The following NTM variants were observed in gnomAD, a reference collection of about 807,000 sequenced individuals.
NTM encodes neurotrimin, also known as IgLON family member 2.
In NTM, 13 loss-of-function variants were observed where a neutral mutation model predicts 42.1. The ratio of observed to expected loss-of-function variants is 0.31; its 90% CI spans 0.20 to 0.49. NTM has a LOEUF of 0.49. Ranked by LOEUF, NTM falls within the 20% of genes least tolerant of loss-of-function variation. The pLI is 0.99. For synonymous variants in NTM, 187 were observed against 179.2 expected (o/e 1.04, Z -0.35); for missense variants, 373 against 452.8 (o/e 0.82, Z 1.60).
At chr11:131,841,257 C>T (rs565024643) in intron 1 of NTM, among the ~76,000 whole-genome samples, 2 of 152,062 alleles carry the variant, frequency 1.3e-5, no homozygotes, top group Non-Finnish European at 2.9e-5. Flanking sequence ...GGAAGTACTG[C>T]CAAGTGTTGT....
chr11:132,092,926 C>T (rs542283308), intron 2 of NTM, among the ~76,000 whole-genome samples: 1 of 152,306 alleles, frequency 6.6e-6, no homozygotes, highest in South Asian at 2.1e-4. Flanking sequence ...CCTGATCTCT[C>T]ATTGGGATTA....
At chr11:132,260,760 G>T (rs778308710) in intron 4 of NTM, among the ~76,000 whole-genome samples, 5 of 152,190 alleles carry the variant, frequency 3.3e-5, no homozygotes, top group Non-Finnish European at 7.3e-5. Flanking sequence ...CGTCTCCGGG[G>T]CATGGCCTAA....
At chr11:131,981,750 C>T (rs979086593) in intron 2 of NTM, among the ~76,000 whole-genome samples, 2 of 152,146 alleles carry the variant, frequency 1.3e-5, no homozygotes, top group African/African-American at 4.8e-5. Context: ...GTGGCTTATG[C>T]CTGTAATCCC....
At chr11:131,959,938 G>A (rs1222636772) in intron 2 of NTM, among the ~76,000 whole-genome samples, 11 of 152,186 alleles carry the variant, frequency 7.2e-5, no homozygotes, top group Non-Finnish European at 1.6e-4. Context: ...CTTGTCTGAG[G>A]CATGAATGCA....
intron 2 of NTM, among the ~76,000 whole-genome samples, chr11:132,013,967 A>G (rs1022248971): frequency 2.4e-4 from 37 of 152,116 alleles, no homozygotes; most frequent in African/African-American, 7.2e-4. Context: ...GCTATTGAAT[A>G]TTAGAACTTA....
chr11:132,074,539 G>A (rs1594378575), intron 2 of NTM, among the ~76,000 whole-genome samples: 3 of 136,840 alleles, frequency 2.2e-5, no homozygotes, highest in South Asian at 4.3e-4. Context: ...TTTAATAACA[G>A]CTTTTTTTTT....
chr11:132,334,434 G>A (rs941506644), intron 8 of NTM, among the ~76,000 whole-genome samples: 1 of 152,240 alleles, frequency 6.6e-6, no homozygotes, highest in African/African-American at 2.4e-5. Context: ...TGATCCTTGA[G>A]CTGCATCTGC....
At chr11:131,516,016 C>T (rs2048851004) in intron 1 of NTM, among the ~76,000 whole-genome samples, 1 of 152,128 alleles carries the variant, frequency 6.6e-6, no homozygotes. Flanking sequence ...TGTCACTTTT[C>T]CAATGAGCTA....
rs1953899822 is a variant in NTM, at chr11:131,484,043, C to G, written c.82+113155C>G. On this transcript the variant is annotated intron_variant, in intron 1 of 8. Transcript: ENST00000683400. ...CCCTAATTTTCTTTGTCGGAGACAACAAAACCAAAGGTAATGAGCAGGAGG... is the reference window on the plus strand; with the variant it reads ...CCCTAATTTTCTTTGTCGGAGACAAGAAAACCAAAGGTAATGAGCAGGAGG... Among the ~76,000 whole-genome samples, 4 of 152,170 alleles carry G rather than the reference C, an allele frequency of 2.6e-5. No individual in the cohort carries two copies. The South Asian group carries it at 8.3e-4, about 32-fold the overall frequency.
Position 131,545,812 on chromosome 11 carries a change from T to C in NTM, c.82+174924T>C, listed in dbSNP as rs568056814. 2.0e-5 allele frequency among the ~76,000 whole-genome samples: 3 copies of C among 152,218 alleles called. No individual in the cohort carries two copies. The South Asian group carries it at 6.2e-4, about 32-fold the overall frequency. On this transcript the variant is annotated intron_variant, in intron 1 of 8. Transcript: ENST00000683400. ...GTCAAGTAGAGGAGGGGCAGGGGCCTGGGGAGAAGATAGATTTTTCGGCAG... is the reference window on the plus strand; with the variant it reads ...GTCAAGTAGAGGAGGGGCAGGGGCCCGGGGAGAAGATAGATTTTTCGGCAG...
At chr11:131,457,624 G>A (rs1251022876) in intron 1 of NTM, among the ~76,000 whole-genome samples, 2 of 152,178 alleles carry the variant, frequency 1.3e-5, no homozygotes, top group Admixed American at 6.5e-5. Flanking sequence ...AAACGGATAC[G>A]TTAAGTAGGT....
intron 2 of NTM, among the ~76,000 whole-genome samples, chr11:131,937,672 T>C (rs1565779517): frequency 1.3e-5 from 2 of 152,274 alleles, no homozygotes; most frequent in Non-Finnish European, 2.9e-5. Flanking sequence ...AGGTGTATTC[T>C]ACACTTAATG....
At chr11:131,617,773 T>G (rs1386474976) in intron 1 of NTM, among the ~76,000 whole-genome samples, 1 of 152,172 alleles carries the variant, frequency 6.6e-6, no homozygotes, top group Non-Finnish European at 1.5e-5. Flanking sequence ...TTCTTTCCCC[T>G]GGGGTTTTTG....
chr11:132,134,300 TTTTG>T (rs1474373789), intron 2 of NTM, among the ~76,000 whole-genome samples: 8 of 152,144 alleles, frequency 5.3e-5, no homozygotes, highest in Non-Finnish European at 1.0e-4. Context: ...TCAGCTGATC[TTTTG>T]TTTGTTTGGT....
chr11:131,883,446 A>G (rs1192050455), intron 1 of NTM, among the ~76,000 whole-genome samples: 1 of 152,298 alleles, frequency 6.6e-6, no homozygotes, highest in East Asian at 1.9e-4. Context: ...AGAGATTCTC[A>G]GACACCTTTG....
At chr11:131,841,197 G>A (rs1451340023) in intron 1 of NTM, among the ~76,000 whole-genome samples, 1 of 152,154 alleles carries the variant, frequency 6.6e-6, no homozygotes, top group Non-Finnish European at 1.5e-5. Context: ...GAAACCAATA[G>A]CTATAATAAA....
chr11:132,224,092 A>C (rs2085698021), intron 4 of NTM, among the ~76,000 whole-genome samples: 2 of 152,242 alleles, frequency 1.3e-5, no homozygotes, highest in Admixed American at 1.3e-4. Flanking sequence ...CAGCAGGAGC[A>C]GGGCTATTCA....
intron 2 of NTM, among the ~76,000 whole-genome samples, chr11:131,912,410 C>A (rs1158267164): frequency 1.3e-5 from 2 of 150,884 alleles, no homozygotes; most frequent in Non-Finnish European, 3.0e-5. Context: ...CTTACAGGCA[C>A]TGGGGGAGGA....
At chr11:131,846,380 A>G (rs910631676) in intron 1 of NTM, among the ~76,000 whole-genome samples, 4 of 151,974 alleles carry the variant, frequency 2.6e-5, no homozygotes, top group African/African-American at 9.7e-5. Context: ...TCGTATTTCA[A>G]ATTATTCCTT....
Sources: gnomAD v4.1 joint callset for allele counts (sites outside exome capture counted in the v4.1 genomes callset) on GRCh38, gnomAD v4.1.1 for gene constraint, MANE v1.5 for transcripts, NCBI Gene and HGNC (gene_info 2026-07-23, HGNC 2026-07-21) for gene names.